Variants in RIMS2 observed in about 807,000 individuals in gnomAD.
The protein encoded by RIMS2 is regulating synaptic membrane exocytosis 2, also known as regulating synaptic membrane exocytosis protein 2.
Under a neutral mutation model 174.4 loss-of-function variants are expected in RIMS2, and 59 were observed. That is an observed-to-expected ratio of 0.34 (90% confidence interval 0.27 to 0.42). The LOEUF (loss-of-function observed/expected upper bound fraction) is 0.42, where lower values mean the gene tolerates loss of function less well. Ranked by LOEUF, RIMS2 falls within the 10% of genes least tolerant of loss-of-function variation. The pLI is 1.00. For synonymous variants in RIMS2, 606 were observed against 572.5 expected (o/e 1.06, Z -0.84); for missense variants, 1,620 against 1,666.3 (o/e 0.97, Z 0.48).
chr8:104,039,175 A>T (rs1484412564), intron 19 of RIMS2, among the ~76,000 whole-genome samples: 2 of 151,822 alleles, frequency 1.3e-5, no homozygotes, highest in Non-Finnish European at 3.0e-5. Flanking sequence ...TAAATACTAT[A>T]TAATAAAATA....
intron 1 of RIMS2, among the ~76,000 whole-genome samples, chr8:103,641,390 A>G (rs556299497): frequency 6.6e-6 from 1 of 152,240 alleles, no homozygotes; most frequent in South Asian, 2.1e-4. Flanking sequence ...CATTTGAGTT[A>G]TTCTTTTCTA....
Position 103,860,200 on chromosome 8 carries a change from A to T in RIMS2, c.699-25098A>T, listed in dbSNP as rs116560119. On this transcript the variant is annotated intron_variant, in intron 3 of 23. Coordinates refer to ENST00000504942, the Ensembl canonical transcript of RIMS2. ...CAAATTTATTGCCTATTGAACTGAG[A>T]TGGCTCACTGATCTGCACACATAAG... is the stretch of plus-strand genomic sequence containing the variant. Among the ~76,000 whole-genome samples the T allele has an allele frequency of 3.7e-3, 559 of 152,272 alleles. 4 individuals carry two copies. The highest frequency in any genetic ancestry group is 0.013 in the African/African-American group (536 of 41,574).
chr8:104,154,170 G>A (rs2098707242), intron 19 of RIMS2, among the ~76,000 whole-genome samples: 1 of 152,154 alleles, frequency 6.6e-6, no homozygotes. Context: ...TAGATGGGGG[G>A]AAAAAGTAGG....
chr8:103,882,022 CAGGGTCTTTGA>C (rs1161616236), intron 3 of RIMS2, among the ~76,000 whole-genome samples: 2 of 151,430 alleles, frequency 1.3e-5, no homozygotes, highest in East Asian at 3.9e-4. Context: ...CTTAATTTCT[CAGGGTCTTTGA>C]AGGATTAAGT....
intron 19 of RIMS2, among the ~76,000 whole-genome samples, chr8:104,128,770 G>A (rs1163668546): frequency 1.3e-5 from 2 of 152,094 alleles, no homozygotes; most frequent in Non-Finnish European, 2.9e-5. Context: ...ACTCCCAGCT[G>A]TGCCCCATTT....
At chr8:104,163,110 T>C (rs1270085846) in intron 19 of RIMS2, among the ~76,000 whole-genome samples, 1 of 152,154 alleles carries the variant, frequency 6.6e-6, no homozygotes, top group Non-Finnish European at 1.5e-5. Context: ...TGGCTCATTG[T>C]CCCCTTGGGC....
chr8:103,882,303 T>C (rs2099171046), intron 3 of RIMS2, among the ~76,000 whole-genome samples: 1 of 151,560 alleles, frequency 6.6e-6, no homozygotes, highest in African/African-American at 2.4e-5. Context: ...ATACTATCTA[T>C]GAAATATAGA....
At chr8:103,892,602 C>G (rs1336326096) in intron 4 of RIMS2, among the ~76,000 whole-genome samples, 1 of 152,042 alleles carries the variant, frequency 6.6e-6, no homozygotes, top group Non-Finnish European at 1.5e-5. Flanking sequence ...GTAAAATAAT[C>G]TTATGCTAAA....
At chr8:103,752,840 C>A (rs2097912505) in intron 2 of RIMS2, among the ~76,000 whole-genome samples, 1 of 152,126 alleles carries the variant, frequency 6.6e-6, no homozygotes, top group Non-Finnish European at 1.5e-5. Flanking sequence ...TGGGCTGAGA[C>A]AATGGGGGTT....
At chr8:104,218,200 C>T (rs1422845992) in intron 19 of RIMS2, among the ~76,000 whole-genome samples, 1 of 152,198 alleles carries the variant, frequency 6.6e-6, no homozygotes, top group Non-Finnish European at 1.5e-5. Context: ...AGCAACTAGC[C>T]TTTTCTGAGT....
intron 1 of RIMS2, among the ~76,000 whole-genome samples, chr8:103,545,464 T>C (rs145186993): frequency 7.7e-4 from 117 of 152,346 alleles, no homozygotes; most frequent in African/African-American, 2.7e-3. Flanking sequence ...GAGGCTATCA[T>C]TCACAAAATT....
chr8:103,703,063 C>G (rs1419873278), intron 2 of RIMS2, among the ~76,000 whole-genome samples: 3 of 150,650 alleles, frequency 2.0e-5, no homozygotes, highest in Non-Finnish European at 4.4e-5. Flanking sequence ...CTCACTTCAG[C>G]CTTGATCCAC....
At chr8:103,809,066 A>G (rs2098669470) in intron 3 of RIMS2, among the ~76,000 whole-genome samples, 1 of 152,140 alleles carries the variant, frequency 6.6e-6, no homozygotes, top group Non-Finnish European at 1.5e-5. Context: ...GCTCTATAGG[A>G]TGTGGCTACT....
chr8:103,645,302 C>T (rs1444717782), intron 1 of RIMS2, among the ~76,000 whole-genome samples: 1 of 151,900 alleles, frequency 6.6e-6, no homozygotes, highest in African/African-American at 2.4e-5. Context: ...TAAGATATTA[C>T]ACTCTGAATT....
At chr8:103,667,835 T>G (rs1005502800) in intron 1 of RIMS2, among the ~76,000 whole-genome samples, 5 of 152,174 alleles carry the variant, frequency 3.3e-5, no homozygotes, top group African/African-American at 1.2e-4. Flanking sequence ...AATGGGTGTA[T>G]AGTTCCAAGA....
At chr8:103,645,329 G>A (rs974467515) in intron 1 of RIMS2, among the ~76,000 whole-genome samples, 1 of 151,926 alleles carries the variant, frequency 6.6e-6, no homozygotes, top group Non-Finnish European at 1.5e-5. Context: ...AGAGAATACA[G>A]GATATAATTT....
chr8:103,754,709 T>C (rs2097955136), intron 2 of RIMS2, among the ~76,000 whole-genome samples: 1 of 152,190 alleles, frequency 6.6e-6, no homozygotes, highest in African/African-American at 2.4e-5. Context: ...CTTTTGATCT[T>C]TGTTGGTTTA....
At chr8:104,016,815 G>C (rs945470760) in intron 19 of RIMS2, among the ~76,000 whole-genome samples, 1 of 151,994 alleles carries the variant, frequency 6.6e-6, no homozygotes, top group Admixed American at 6.5e-5. Context: ...AAGTATCCTA[G>C]AAAACAGAGC....
chr8:104,086,367 G>A, intron 19 of RIMS2, among the ~76,000 whole-genome samples: 1 of 150,680 alleles, frequency 6.6e-6, no homozygotes, highest in East Asian at 2.0e-4. Context: ...ATTTGTTAAG[G>A]GCAAAAGCAT....
Sources: gnomAD v4.1 joint callset for allele counts (sites outside exome capture counted in the v4.1 genomes callset) on GRCh38, gnomAD v4.1.1 for gene constraint, MANE v1.5 for transcripts, NCBI Gene and HGNC (gene_info 2026-07-23, HGNC 2026-07-21) for gene names.